The following SLC48A1 variants were observed in gnomAD, a reference collection of about 807,000 sequenced individuals.
SLC48A1 encodes the protein heme transporter HRG1.
Under a neutral mutation model 14.8 loss-of-function variants are expected in SLC48A1, and 6 were observed. That is an observed-to-expected ratio of 0.41 (90% CI 0.22 to 0.80). SLC48A1 has a LOEUF of 0.80. Among genes scored for constraint, SLC48A1 ranks in the 30% least tolerant of loss-of-function variants. SLC48A1 has a pLI of 0.34. For missense variants in SLC48A1, 165 were observed against 204.8 expected (o/e 0.81, Z 1.19); for synonymous variants, 89 against 90.0 (o/e 0.99, Z 0.06).
chr12:47,772,256 C>A (rs928801906), upstream of SLC48A1: 1 of 154,776 alleles, frequency 6.5e-6, no homozygotes, highest in Admixed American at 6.5e-5. Flanking sequence ...AGCTCCCGGC[C>A]GGAAGCTGGG....
chr12:47,758,928 C>T, intron 1 of SLC48A1: 1 of 1,042,638 alleles, frequency 9.6e-7, no homozygotes, highest in Non-Finnish European at 1.2e-6. Context: ...CTGCCCGCCC[C>T]CTTCCCCTCC....
In SLC48A1 at chr12:47,781,114, G is replaced by C; in HGVS notation, c.*833G>C. 1 of 339,904 alleles carries C rather than the reference G, an allele frequency of 2.9e-6. No individual in the cohort carries two copies. The highest frequency in any genetic ancestry group is 2.2e-5 in the South Asian group (1 of 46,292). The allele number at this position is 339,904 out of a possible 1,614,324, so 21.1% of individuals were successfully genotyped here. ...CCCCATCCTGTTGTTCCCAGAGCTGGTCTCCCATGAGTGTGCTAGAGCCAG... is the reference window on the plus strand; with the variant it reads ...CCCCATCCTGTTGTTCCCAGAGCTGCTCTCCCATGAGTGTGCTAGAGCCAG... On this transcript the variant is annotated 3_prime_UTR_variant, in exon 3 of 3. Coordinates refer to ENST00000442218, the MANE Select transcript of SLC48A1 (RefSeq NM_017842.3).
At chr12:47,770,797 C>G, upstream of SLC48A1, 1 of 456,676 alleles carries the variant, frequency 2.2e-6, no homozygotes, top group South Asian at 1.5e-5. Flanking sequence ...CAGAACCTTT[C>G]TAATCTCCAA....
chr12:47,759,018 G>T, intron 1 of SLC48A1: 2 of 990,152 alleles, frequency 2.0e-6, no homozygotes, highest in Non-Finnish European at 2.4e-6. Context: ...GCCGGCACTG[G>T]CAGGCTTTGG....
intron 2 of SLC48A1, among the ~76,000 whole-genome samples, chr12:47,779,427 G>A (rs1394561264): frequency 6.6e-6 from 1 of 152,220 alleles, no homozygotes; most frequent in East Asian, 1.9e-4. Flanking sequence ...GCCCATACAA[G>A]CACTCCTGAT....
chr12:47,757,516 C>A (rs994740706), upstream of SLC48A1, among the ~76,000 whole-genome samples: 1 of 152,166 alleles, frequency 6.6e-6, no homozygotes, highest in Non-Finnish European at 1.5e-5. Context: ...TCACTCCAAC[C>A]CATTGACCCG....
chr12:47,757,086 G>C (rs1387524162), upstream of SLC48A1, among the ~76,000 whole-genome samples: 2 of 152,184 alleles, frequency 1.3e-5, no homozygotes, highest in East Asian at 3.8e-4. Context: ...TTGGGCCTAG[G>C]AGTTCAAGAC....
rs1170440693 is a variant in SLC48A1, at chr12:47,780,469, A to G, written c.*188A>G. ...CCTTTCGAGGAAACCTGAGTGTGGT[A>G]GAGAGGGGATCCTGCCATGTTGCTC... On this transcript the variant is annotated 3_prime_UTR_variant, in exon 3 of 3. Coordinates refer to ENST00000442218, the MANE Select transcript of SLC48A1 (RefSeq NM_017842.3). 1.1e-6 allele frequency: 1 copy of G among 887,350 alleles called. No individual in the cohort carries two copies. Among genetic ancestry groups the G allele is most frequent in the Admixed American group, 1.7e-5 (1 of 58,918 alleles). 55.0% of individuals were successfully genotyped at this position (887,350 alleles called of 1,614,324 possible).
intron 1 of SLC48A1, chr12:47,759,039 C>T (rs1055243633): frequency 1.0e-6 from 1 of 984,848 alleles, no homozygotes; most frequent in Non-Finnish European, 1.2e-6. Context: ...AGTCCGCACC[C>T]GGGGGTACCA....
At chr12:47,771,005 A>G, upstream of SLC48A1, 1 of 445,372 alleles carries the variant, frequency 2.2e-6, no homozygotes, top group South Asian at 1.6e-5. Flanking sequence ...CCTCCACAGG[A>G]CCAGCACTCA....
chr12:47,781,032 C>G lies in SLC48A1; in HGVS notation c.*751C>G. The G allele has an allele frequency of 2.3e-6, 1 of 426,684 alleles. No individual in the cohort carries two copies. Among genetic ancestry groups the G allele is most frequent in the Non-Finnish European group, 4.7e-6 (1 of 214,304 alleles). 26.4% of individuals were successfully genotyped at this position (426,684 alleles called of 1,614,324 possible). On this transcript the variant is annotated 3_prime_UTR_variant, in exon 3 of 3. Transcript: ENST00000442218. The stretch of plus-strand genomic sequence containing the variant: ...CTCTTCCCAAGGCCAGGTTGGGCAC[C>G]TGGGGAGGTCAGTTCAGAAATATCT...
rs1942667121 is a variant in SLC48A1 at position 47,773,292 on chromosome 12, G to A, written c.-13G>A. On this transcript the variant is annotated 5_prime_UTR_variant, in exon 1 of 3. Coordinates refer to ENST00000442218, the MANE Select transcript of SLC48A1 (RefSeq NM_017842.3). Reference sequence around the variant, plus strand: ...GCCGCGCTCGCCCTCGGCCCGCCCGGCGCCGCAGCCCCATGGCCCCGTCCA... The same window carrying A: ...GCCGCGCTCGCCCTCGGCCCGCCCGACGCCGCAGCCCCATGGCCCCGTCCA... 7.1e-7 allele frequency: 1 copy of A among 1,415,272 alleles called. No individual in the cohort carries two copies. Among genetic ancestry groups the A allele is most frequent in the Non-Finnish European group, 9.3e-7 (1 of 1,080,170 alleles). 87.7% of individuals were successfully genotyped at this position (1,415,272 alleles called of 1,614,324 possible). A position where few individuals can be genotyped will look rare whatever the true frequency, so the allele number is the denominator to read the frequency against.
intron 1 of SLC48A1, among the ~76,000 whole-genome samples, chr12:47,773,695 C>T (rs1942677275): frequency 6.6e-6 from 1 of 152,338 alleles, no homozygotes; most frequent in East Asian, 1.9e-4. Flanking sequence ...CTGCACAGAC[C>T]TGCCGCGCCG....
chr12:47,768,135 G>A (rs1019460698), upstream of SLC48A1, among the ~76,000 whole-genome samples: 1 of 152,168 alleles, frequency 6.6e-6, no homozygotes, highest in Non-Finnish European at 1.5e-5. Flanking sequence ...GTGCCACCAC[G>A]CCTGGTTAAT....
chr12:47,758,587 G>T (rs940535641), exon 1 of SLC48A1: 2 of 1,613,524 alleles, frequency 1.2e-6, no homozygotes, highest in Admixed American at 3.3e-5. Flanking sequence ...AGCCGTGCAG[G>T]CTCTAGCAAA....
upstream of SLC48A1, among the ~76,000 whole-genome samples, chr12:47,768,341 C>G (rs150378595): frequency 6.6e-6 from 1 of 152,076 alleles, no homozygotes; most frequent in South Asian, 2.1e-4. Flanking sequence ...GGGGGAAAGA[C>G]GAACAGAGGA....
intron 1 of SLC48A1, among the ~76,000 whole-genome samples, chr12:47,774,290 AT>A (rs1367296873): frequency 6.6e-6 from 1 of 152,346 alleles, no homozygotes; most frequent in Admixed American, 6.5e-5. Flanking sequence ...ACTTTCTAAC[AT>A]TTTAAAAAAT....
chr12:47,773,980 C>G (rs768786567), intron 1 of SLC48A1, among the ~76,000 whole-genome samples: 2 of 152,366 alleles, frequency 1.3e-5, no homozygotes, highest in South Asian at 2.1e-4. Context: ...AGGGCTCCCC[C>G]GCAGAGCCCT....
chr12:47,771,792 G>A (rs774937260), upstream of SLC48A1, among the ~76,000 whole-genome samples: 26 of 152,084 alleles, frequency 1.7e-4, no homozygotes, highest in Non-Finnish European at 2.8e-4. Flanking sequence ...AATTAGCTGG[G>A]TGTGGTGGTG....
Sources: allele counts gnomAD v4.1 joint callset (sites outside exome capture counted in the v4.1 genomes callset), GRCh38; gene constraint gnomAD v4.1.1; transcripts MANE v1.5; gene names NCBI Gene and HGNC (gene_info 2026-07-23, HGNC 2026-07-21).